Variants in CUL5 observed in about 807,000 individuals in gnomAD.
CUL5 encodes cullin-5.
A neutral mutation model predicts 108.8 loss-of-function variants in CUL5; 26 were observed. The ratio of observed to expected loss-of-function variants is 0.24; its 90% CI spans 0.18 to 0.33. The LOEUF (loss-of-function observed/expected upper bound fraction) is 0.33. CUL5 is among the 10% of genes least tolerant of loss of function. CUL5 has a pLI of 1.00. For synonymous variants in CUL5, 334 were observed against 298.0 expected, an observed-to-expected ratio of 1.12 and a Z score of -1.25; for missense variants, 524 against 909.2, an observed-to-expected ratio of 0.58 and a Z score of 5.45.
At chr11:108,060,113 C>T (rs528381876) in intron 7 of CUL5, among the ~76,000 whole-genome samples, 1 of 151,938 alleles carries the variant, frequency 6.6e-6, no homozygotes, top group Non-Finnish European at 1.5e-5. Flanking sequence ...AAATTATTAA[C>T]ATTAAAATAA....
Position 108,049,876 on chromosome 11 carries a change from CCT to C in CUL5, c.235-11_235-10del. On this transcript the variant is annotated splice_polypyrimidine_tract_variant and intron_variant, in intron 3 of 18. Transcript: ENST00000393094. Reference sequence around the variant, plus strand: ...ACTGCATTTATTTCAAATTGGTACACCTCTTTTTTTCAGCGAGTACTGAGCCA... The same window carrying C: ...ACTGCATTTATTTCAAATTGGTACACCTTTTTTTCAGCGAGTACTGAGCCA... 6.3e-7 allele frequency: 1 copy of C among 1,591,792 alleles called. No homozygotes were observed. Among genetic ancestry groups the C allele is most frequent in the South Asian group, 1.2e-5 (1 of 86,178 alleles).
At chr11:108,020,542 T>TG (rs879745325) in intron 1 of CUL5, among the ~76,000 whole-genome samples, 165 of 151,622 alleles carry the variant, frequency 1.1e-3, no homozygotes, top group South Asian at 2.5e-3. Flanking sequence ...GTGATTTTTT[T>TG]TTTTTTGTTT....
intron 1 of CUL5, among the ~76,000 whole-genome samples, chr11:108,027,198 C>T (rs752754462): frequency 4.0e-5 from 6 of 151,640 alleles, no homozygotes; most frequent in South Asian, 2.1e-4. Context: ...AGTGCAGTGG[C>T]GCCATCATGG....
At chr11:108,085,963 A>G (rs1318933926) in intron 11 of CUL5, among the ~76,000 whole-genome samples, 1 of 152,242 alleles carries the variant, frequency 6.6e-6, no homozygotes, top group African/African-American at 2.4e-5. Context: ...TGCGAATTAT[A>G]TATCAGTAAT....
At chr11:108,026,140 T>C (rs1862446451) in intron 1 of CUL5, among the ~76,000 whole-genome samples, 1 of 152,172 alleles carries the variant, frequency 6.6e-6, no homozygotes, top group African/African-American at 2.4e-5. Flanking sequence ...TTCCCTTCAA[T>C]ACACTTTTTG....
At chr11:108,061,256 T>C (rs1006255273) in intron 7 of CUL5, among the ~76,000 whole-genome samples, 16 of 152,240 alleles carry the variant, frequency 1.1e-4, no homozygotes, top group Non-Finnish European at 1.5e-5. Context: ...CAACTATGTA[T>C]ATAGTAATTT....
chr11:108,043,260 G>C (rs1862979388), intron 2 of CUL5, among the ~76,000 whole-genome samples: 1 of 152,112 alleles, frequency 6.6e-6, no homozygotes, highest in Non-Finnish European at 1.5e-5. Flanking sequence ...TTTTTGTATA[G>C]ATGTGGTCTT....
At chr11:108,086,445 T>A (rs922509496) in intron 11 of CUL5, among the ~76,000 whole-genome samples, 1 of 152,072 alleles carries the variant, frequency 6.6e-6, no homozygotes, top group African/African-American at 2.4e-5. Flanking sequence ...TAAAAACTGA[T>A]AGCTGTCCTC....
At position 108,046,355 on chromosome 11, in the gene CUL5, A is replaced by G; in HGVS notation, c.220A>G (p.Lys74Glu). The stretch of plus-strand genomic sequence containing the variant: ...AAAAGAAGATATTCTTGAGTTTATT[A>G]AGCAAGCACAGGCAGTAAGTTCTAC... ...ALKEDILEFI[K>E]QAQARVLSHQ... The change falls in exon 3 of 19, where the codon AAG (lysine) becomes GAG (glutamate). Residue 74 changes from lysine to glutamate, a missense_variant. Lys to Glu is a moderately conservative substitution (Grantham distance 56, BLOSUM62 1). Transcript: ENST00000393094. 3 of 1,602,860 alleles carry G rather than the reference A, an allele frequency of 1.9e-6. No homozygotes were observed. The highest frequency in any genetic ancestry group is 1.1e-5 in the South Asian group (1 of 90,542).
In CUL5 at chr11:108,050,031, A is replaced by G; in HGVS notation, c.376A>G (p.Lys126Glu). 1 of 1,612,678 alleles carries G rather than the reference A, an allele frequency of 6.2e-7. No homozygotes were observed. The highest frequency in any genetic ancestry group is 8.5e-7 in the Non-Finnish European group (1 of 1,179,482). The change falls in exon 4 of 19, where the codon AAA becomes GAA. Residue 126 changes from lysine (K) to glutamate (E), a missense_variant. Lys to Glu is a moderately conservative substitution (Grantham distance 56, BLOSUM62 1). Transcript: ENST00000393094. Reference protein sequence around the residue: ...ITLMGKQGSNKKSNVEDSIVR... With the variant: ...ITLMGKQGSNEKSNVEDSIVR... ...TTTAATGGGTAAACAGGGCAGCAAT[A>G]AAAAATCAAATGTGGAAGACAGTAT...
chr11:108,073,111 A>G (rs1863863878), intron 9 of CUL5, among the ~76,000 whole-genome samples: 1 of 151,924 alleles, frequency 6.6e-6, no homozygotes, highest in South Asian at 2.1e-4. Flanking sequence ...GTGAGGCAGG[A>G]GAATGGCGTG....
rs565599916 is a variant in CUL5, at chr11:108,034,903, T to C, written c.134+992T>C. Among the ~76,000 whole-genome samples the C allele has an allele frequency of 2.0e-5, 3 of 152,302 alleles. No individual in the cohort carries two copies. In the East Asian group the frequency reaches 5.8e-4, roughly 29 times the overall value. On this transcript the variant is annotated intron_variant, in intron 2 of 18. Transcript: ENST00000393094. ...GAATTGGTCAGGATGAAATCCTGAATTTTTAAAACTTTTCAAAATGGGCTT... is the reference window on the plus strand; with the variant it reads ...GAATTGGTCAGGATGAAATCCTGAACTTTTAAAACTTTTCAAAATGGGCTT...
chr11:108,059,654 G>A (rs1187412873), intron 7 of CUL5, among the ~76,000 whole-genome samples: 1 of 152,010 alleles, frequency 6.6e-6, no homozygotes, highest in Non-Finnish European at 1.5e-5. Context: ...CGAGATGGGT[G>A]GATCATGAGG....
intron 1 of CUL5, among the ~76,000 whole-genome samples, chr11:108,017,864 G>A (rs1022042832): frequency 6.6e-6 from 1 of 151,878 alleles, no homozygotes; most frequent in Non-Finnish European, 1.5e-5. Flanking sequence ...AAAAGTGTTC[G>A]GAAGGTGGAG....
chr11:108,081,624 C>T (rs1463518821), intron 11 of CUL5, among the ~76,000 whole-genome samples: 1 of 151,814 alleles, frequency 6.6e-6, no homozygotes, highest in Non-Finnish European at 1.5e-5. Flanking sequence ...TGGTGGCGGG[C>T]ACCTGTAGTC....
intron 2 of CUL5, among the ~76,000 whole-genome samples, chr11:108,046,060 A>G (rs1489751894): frequency 6.6e-6 from 1 of 152,220 alleles, no homozygotes. Flanking sequence ...CAGAGAATTA[A>G]AGAGGAAAAC....
intron 10 of CUL5, among the ~76,000 whole-genome samples, chr11:108,077,937 AGACT>A (rs1863981590): frequency 6.6e-6 from 1 of 152,190 alleles, no homozygotes; most frequent in South Asian, 2.1e-4. Flanking sequence ...CGACAGAGTG[AGACT>A]TCATCTCAAA....
At chr11:108,066,208 G>A (rs1281091131) in intron 7 of CUL5, among the ~76,000 whole-genome samples, 1 of 152,074 alleles carries the variant, frequency 6.6e-6, no homozygotes, top group African/African-American at 2.4e-5. Context: ...GCCAGGCGTG[G>A]TGGTGGATGC....
At chr11:108,078,153 T>G in intron 10 of CUL5, 23 bp from the exon 11 acceptor site, 3 of 1,355,804 alleles carry the variant, frequency 2.2e-6, no homozygotes, top group Non-Finnish European at 3.1e-6. Flanking sequence ...TAAAAATATT[T>G]TATTCCAAAT....
Sources: allele counts gnomAD v4.1 joint callset (sites outside exome capture counted in the v4.1 genomes callset), GRCh38; gene constraint gnomAD v4.1.1; transcripts MANE v1.5; gene names NCBI Gene and HGNC (gene_info 2026-07-23, HGNC 2026-07-21).